HDAC9: variants seen among roughly 807,000 people sequenced by gnomAD.
HDAC9 encodes the protein MEF-2 interacting transcription repressor (MITR) protein.
Under a neutral mutation model 139.4 loss-of-function variants are expected in HDAC9, and 41 were observed. The observed-to-expected ratio is 0.29, with a 90% confidence interval of 0.23 to 0.38. The LOEUF is 0.38. HDAC9 is among the 10% of genes least tolerant of loss of function. HDAC9 has a pLI of 1.00. For missense variants in HDAC9, 1,147 were observed against 1,297.0 expected (o/e 0.88, Z 1.78); for synonymous variants, 517 against 476.2 (o/e 1.09, Z -1.12).
At chr7:18,566,576 A>G (rs1027921091) in intron 2 of HDAC9, among the ~76,000 whole-genome samples, 1 of 152,206 alleles carries the variant, frequency 6.6e-6, no homozygotes, top group Non-Finnish European at 1.5e-5. Flanking sequence ...AAGCCTTGGG[A>G]ATCACTGTTT....
At chr7:18,635,999 AT>A (rs1783767372) in intron 8 of HDAC9, among the ~76,000 whole-genome samples, 1 of 152,150 alleles carries the variant, frequency 6.6e-6, no homozygotes, top group African/African-American at 2.4e-5. Flanking sequence ...AAGTTATGAA[AT>A]TATCAGGTCA....
chr7:18,195,732 ACTTTTTTGATGAATTTAATCCT>A (rs1400356514), intron 2 of HDAC9, among the ~76,000 whole-genome samples: 4 of 152,030 alleles, frequency 2.6e-5, no homozygotes, highest in Admixed American at 2.6e-4. Flanking sequence ...TGCACCTGTC[ACTTTTTTGATGAATTTAATCCT>A]CTTTTTTGCA....
At chr7:18,194,886 G>T (rs1368105140) in intron 2 of HDAC9, among the ~76,000 whole-genome samples, 2 of 151,978 alleles carry the variant, frequency 1.3e-5, no homozygotes, top group East Asian at 3.9e-4. Context: ...GACAATTCCA[G>T]GAAATTATCT....
rs116674296 is a variant in HDAC9, at chr7:18,400,519, T to A, written c.-41-95743T>A. 9.9e-3 allele frequency among the ~76,000 whole-genome samples: 1,506 copies of A among 152,280 alleles called. 33 individuals are homozygous for A. The highest frequency in any genetic ancestry group is 0.034 in the African/African-American group (1,413 of 41,564). On this transcript the variant is annotated intron_variant, in intron 1 of 3. Coordinates refer to the HDAC9 transcript ENST00000413509. ...TGACTTCTTGGTTTCACTGTGAAGT[T>A]GGACATGGGGTCATCCATTGAGAGG...
chr7:18,802,047 T>G lies in HDAC9; in HGVS notation c.2322+8595T>G, dbSNP rs938754414. On this transcript the variant is annotated intron_variant, in intron 17 of 25. Coordinates refer to ENST00000686413, the MANE Select transcript of HDAC9 (RefSeq NM_178425.4). ...AGATGTCATATATTTTATGAATTTC[T>G]TCTATTTTTATTATTTATTTTATTT... 2.7e-5 allele frequency among the ~76,000 whole-genome samples: 4 copies of G among 148,558 alleles called. No individual in the cohort carries two copies. The East Asian group carries it at 7.7e-4, about 29-fold the overall frequency.
At chr7:18,548,737 G>A (rs769827727) in intron 2 of HDAC9, among the ~76,000 whole-genome samples, 8 of 152,204 alleles carry the variant, frequency 5.3e-5, no homozygotes, top group Non-Finnish European at 1.2e-4. Flanking sequence ...ACTGTTCACT[G>A]AGGAGGATAT....
At chr7:18,297,913 A>G (rs1798256948) in intron 1 of HDAC9, among the ~76,000 whole-genome samples, 1 of 152,186 alleles carries the variant, frequency 6.6e-6, no homozygotes, top group African/African-American at 2.4e-5. Context: ...ATGACGTTCC[A>G]TCCTGCCTAA....
At chr7:18,219,122 C>A (rs1005056163) in intron 2 of HDAC9, among the ~76,000 whole-genome samples, 3 of 152,054 alleles carry the variant, frequency 2.0e-5, no homozygotes, top group Non-Finnish European at 4.4e-5. Context: ...TATCTCATGG[C>A]AGTTTGAATT....
intron 2 of HDAC9, among the ~76,000 whole-genome samples, chr7:18,572,670 G>A (rs895071608): frequency 1.3e-5 from 2 of 151,710 alleles, no homozygotes; most frequent in African/African-American, 4.8e-5. Flanking sequence ...TCATTTTTAG[G>A]TACATTTATA....
intron 2 of HDAC9, among the ~76,000 whole-genome samples, chr7:18,172,034 T>C (rs1788490864): frequency 6.6e-6 from 1 of 152,226 alleles, no homozygotes; most frequent in African/African-American, 2.4e-5. Flanking sequence ...AGTTCCTCTT[T>C]GTACTTCTGG....
chr7:18,305,603 G>A (rs1798854278), intron 1 of HDAC9, among the ~76,000 whole-genome samples: 1 of 151,918 alleles, frequency 6.6e-6, no homozygotes, highest in African/African-American at 2.4e-5. Context: ...CAGGTTTTCT[G>A]GTCTGTAAGT....
chr7:18,229,272 A>G (rs1254452303), intron 2 of HDAC9, among the ~76,000 whole-genome samples: 1 of 152,212 alleles, frequency 6.6e-6, no homozygotes, highest in Non-Finnish European at 1.5e-5. Flanking sequence ...TGTGTCACAT[A>G]TACATGGTGT....
chr7:18,824,082 A>AAGAAGAAGAAGAAGAAGG (rs1795220182), intron 17 of HDAC9, among the ~76,000 whole-genome samples: 1 of 150,734 alleles, frequency 6.6e-6, no homozygotes, highest in African/African-American at 2.5e-5. Flanking sequence ...GAAGAAGAAG[A>AAGAAGAAGAAGAAGAAGG]AGAAGAACAA....
At chr7:18,838,813 G>A (rs971000525) in intron 21 of HDAC9, among the ~76,000 whole-genome samples, 5 of 151,838 alleles carry the variant, frequency 3.3e-5, no homozygotes, top group Admixed American at 2.6e-4. Flanking sequence ...AGTATCTTTT[G>A]AAGGAAAATC....
chr7:18,221,324 C>G (rs901963677), intron 2 of HDAC9, among the ~76,000 whole-genome samples: 3 of 151,978 alleles, frequency 2.0e-5, no homozygotes, highest in Non-Finnish European at 4.4e-5. Flanking sequence ...AGGCTGGTCT[C>G]GAACTCCTGA....
At chr7:18,102,146 A>G (rs1782895549) in intron 1 of HDAC9, among the ~76,000 whole-genome samples, 1 of 152,238 alleles carries the variant, frequency 6.6e-6, no homozygotes, top group Non-Finnish European at 1.5e-5. Flanking sequence ...TAAAGTGTCA[A>G]AATTCAGGAG....
chr7:18,755,483 A>G (rs1440965052), intron 14 of HDAC9, among the ~76,000 whole-genome samples: 2 of 152,190 alleles, frequency 1.3e-5, no homozygotes, highest in African/African-American at 4.8e-5. Flanking sequence ...GTAACAAAAA[A>G]TATTTGTTGA....
intron 1 of HDAC9, among the ~76,000 whole-genome samples, chr7:18,089,569 A>AT (rs1554295867): frequency 3.3e-5 from 5 of 152,146 alleles, no homozygotes; most frequent in Non-Finnish European, 7.4e-5. Context: ...ATATAAACCT[A>AT]TTTAATTAAC....
chr7:18,709,575 C>T (rs1784194503), intron 12 of HDAC9, among the ~76,000 whole-genome samples: 1 of 151,924 alleles, frequency 6.6e-6, no homozygotes. Flanking sequence ...TTTTGAAACC[C>T]CAAATATTAT....
Sources: gnomAD v4.1 joint callset for allele counts (sites outside exome capture counted in the v4.1 genomes callset) on GRCh38, gnomAD v4.1.1 for gene constraint, MANE v1.5 for transcripts, NCBI Gene and HGNC (gene_info 2026-07-23, HGNC 2026-07-21) for gene names.